The following CNOT2 variants were observed in gnomAD, a reference collection of about 807,000 sequenced individuals.
CNOT2 encodes CC chemokine receptor 4-negative regulator of transcription 2.
CNOT2 carries 7 observed loss-of-function variants against 72.1 expected under a neutral mutation model. The observed-to-expected ratio is 0.10, with a 90% CI of 0.06 to 0.18. CNOT2 has a LOEUF of 0.18. Ranked by LOEUF, CNOT2 falls within the 10% of genes least tolerant of loss-of-function variation. The pLI, the probability that CNOT2 is intolerant of heterozygous loss-of-function variation, is 1.00. For synonymous variants in CNOT2, 196 were observed against 225.6 expected (o/e 0.87, Z 1.17); for missense variants, 345 against 660.3 (o/e 0.52, Z 5.23).
At chr12:70,345,187 TATG>T (rs1056636124) in intron 14 of CNOT2, 1 of 152,212 alleles carries the variant, frequency 6.6e-6, no homozygotes, top group African/African-American at 2.4e-5. Flanking sequence ...TTTATGACCT[TATG>T]ATTGGGAGAC....
At chr12:70,325,280 T>G (rs1401800394) in intron 4 of CNOT2, among the ~76,000 whole-genome samples, 1 of 151,858 alleles carries the variant, frequency 6.6e-6, no homozygotes, top group Non-Finnish European at 1.5e-5. Context: ...ATTTTAATAC[T>G]CTAGAACAGT....
At chr12:70,254,566 G>A (rs990809588) in intron 1 of CNOT2, among the ~76,000 whole-genome samples, 4 of 152,152 alleles carry the variant, frequency 2.6e-5, no homozygotes, top group Admixed American at 6.5e-5. Context: ...AAGAAACCGC[G>A]GATAAGGGGA....
At chr12:70,245,419 C>T (rs911495406) in intron 1 of CNOT2, among the ~76,000 whole-genome samples, 2 of 152,072 alleles carry the variant, frequency 1.3e-5, no homozygotes, top group Non-Finnish European at 2.9e-5. Context: ...TGAGAAACTG[C>T]TGAAGTTTTT....
intron 2 of CNOT2, among the ~76,000 whole-genome samples, chr12:70,292,524 C>CA (rs2135872365): frequency 6.6e-6 from 1 of 152,212 alleles, no homozygotes; most frequent in South Asian, 2.1e-4. Context: ...TGGAGGATAA[C>CA]AAAGGCAAGG....
At chr12:70,282,746 A>G (rs1593116692) in intron 2 of CNOT2, among the ~76,000 whole-genome samples, 1 of 152,078 alleles carries the variant, frequency 6.6e-6, no homozygotes, top group African/African-American at 2.4e-5. Flanking sequence ...TTCATTCTTT[A>G]TATTTTTATA....
At position 70,354,194 on chromosome 12, in the gene CNOT2, C is replaced by G. The variant is rs1026364643; in HGVS notation, c.*279C>G. The G allele has an allele frequency of 9.4e-6, 4 of 423,746 alleles. No individual in the cohort carries two copies. Among genetic ancestry groups the G allele is most frequent in the Non-Finnish European group, 1.6e-5 (4 of 257,472 alleles). 26.2% of individuals were successfully genotyped at this position (423,746 alleles called of 1,614,324 possible). ...TTTTTGCCAGCAGACAGACTTGAGTCTGTAAAGACAAGCAAATACACTGAC... is the reference window on the plus strand; with the variant it reads ...TTTTTGCCAGCAGACAGACTTGAGTGTGTAAAGACAAGCAAATACACTGAC... On this transcript the variant is annotated 3_prime_UTR_variant, in exon 16 of 16. Transcript: ENST00000229195.
At chr12:70,256,537 A>G (rs1038143455) in intron 1 of CNOT2, among the ~76,000 whole-genome samples, 1 of 148,164 alleles carries the variant, frequency 6.7e-6, no homozygotes, top group African/African-American at 2.5e-5. Context: ...AAATTTTTAT[A>G]TGGAGTGAAT....
chr12:70,341,018 G>T (rs1159483670), intron 11 of CNOT2, among the ~76,000 whole-genome samples: 1 of 151,124 alleles, frequency 6.6e-6, no homozygotes, highest in Admixed American at 6.6e-5. Context: ...GAGTAGCTGG[G>T]ATTGCAGGCA....
At chr12:70,304,339 A>G (rs1320373381) in intron 2 of CNOT2, among the ~76,000 whole-genome samples, 1 of 151,180 alleles carries the variant, frequency 6.6e-6, no homozygotes. Flanking sequence ...GGTTTTATCT[A>G]CCTTTGGTCT....
At chr12:70,333,511 C>T (rs1025274269) in intron 7 of CNOT2, among the ~76,000 whole-genome samples, 1 of 151,624 alleles carries the variant, frequency 6.6e-6, no homozygotes. Flanking sequence ...CAGACCCTTT[C>T]CTGAGAAAGG....
chr12:70,332,927 T>G, intron 7 of CNOT2, 81 bp downstream of exon 7: 1 of 1,412,368 alleles, frequency 7.1e-7, no homozygotes, highest in Admixed American at 2.8e-5. Flanking sequence ...TACTGGTCTT[T>G]AAATACGGTA....
At chr12:70,261,108 A>G (rs1469776405) in intron 1 of CNOT2, among the ~76,000 whole-genome samples, 1 of 151,096 alleles carries the variant, frequency 6.6e-6, no homozygotes, top group East Asian at 1.9e-4. Context: ...ATTTTTTCAG[A>G]TGCTTTTTTT....
chr12:70,301,549 G>A (rs1873979459), intron 2 of CNOT2, among the ~76,000 whole-genome samples: 2 of 151,646 alleles, frequency 1.3e-5, no homozygotes, highest in Non-Finnish European at 2.9e-5. Context: ...TGTTGAACCA[G>A]CCTTGCATCC....
chr12:70,311,022 G>A lies in CNOT2; in HGVS notation c.171+5G>A. The A allele has an allele frequency of 6.3e-7, 1 of 1,591,660 alleles. No homozygotes were observed. The highest frequency in any genetic ancestry group is 8.6e-7 in the Non-Finnish European group (1 of 1,161,806). Reference sequence around the variant, plus strand: ...CCACATCGGTCAGAAAAAGATGTAAGTTAATCAATTATGTTGTATTTTTTC... The same window carrying A: ...CCACATCGGTCAGAAAAAGATGTAAATTAATCAATTATGTTGTATTTTTTC... On this transcript the variant is annotated splice_donor_5th_base_variant and intron_variant, in intron 3 of 15. Coordinates refer to ENST00000229195, the MANE Select transcript of CNOT2 (RefSeq NM_014515.7).
intron 1 of CNOT2, among the ~76,000 whole-genome samples, chr12:70,260,042 A>G (rs1470348915): frequency 6.6e-6 from 1 of 152,196 alleles, no homozygotes; most frequent in African/African-American, 2.4e-5. Context: ...TCCTTATGCC[A>G]GTATCCCTTG....
At chr12:70,300,222 A>T (rs1045231216) in intron 2 of CNOT2, among the ~76,000 whole-genome samples, 4 of 152,094 alleles carry the variant, frequency 2.6e-5, no homozygotes, top group African/African-American at 9.7e-5. Flanking sequence ...TCTTTAGTTT[A>T]ATTAGATCCC....
At chr12:70,353,429 A>G (rs1457749448) in intron 15 of CNOT2, among the ~76,000 whole-genome samples, 1 of 152,102 alleles carries the variant, frequency 6.6e-6, no homozygotes, top group Admixed American at 6.6e-5. Flanking sequence ...TTATTTCTAA[A>G]CTTTTTTCAT....
intron 4 of CNOT2, among the ~76,000 whole-genome samples, chr12:70,326,903 T>G (rs1400980257): frequency 2.0e-5 from 3 of 151,934 alleles, no homozygotes; most frequent in Non-Finnish European, 4.4e-5. Context: ...CCATACGGTC[T>G]CTGTCCAGTT....
At chr12:70,310,543 T>C (rs1244598174) in intron 2 of CNOT2, among the ~76,000 whole-genome samples, 2 of 152,182 alleles carry the variant, frequency 1.3e-5, no homozygotes, top group East Asian at 3.9e-4. Context: ...GGAAGATGCA[T>C]GTGAAGATTT....
Sources: allele counts gnomAD v4.1 joint callset (sites outside exome capture counted in the v4.1 genomes callset), GRCh38; gene constraint gnomAD v4.1.1; transcripts MANE v1.5; gene names NCBI Gene and HGNC (gene_info 2026-07-23, HGNC 2026-07-21).